Variants in GFI1B observed in about 807,000 individuals in gnomAD.
The protein encoded by GFI1B is growth factor independent 1B transcriptional repressor.
In GFI1B, 20 loss-of-function variants were observed where a neutral mutation model predicts 35.3. The ratio of observed to expected loss-of-function variants is 0.57; its 90% CI spans 0.40 to 0.82. The LOEUF (loss-of-function observed/expected upper bound fraction) is 0.82. Ranked by LOEUF, GFI1B falls within the 40% of genes least tolerant of loss-of-function variation. The pLI, the probability that GFI1B is intolerant of heterozygous loss-of-function variation, is 0.00. For synonymous variants in GFI1B, 178 were observed against 177.6 expected (o/e 1.00, Z -0.02); for missense variants, 430 against 446.3 (o/e 0.96, Z 0.33).
chr9:132,967,725 C>A (rs1848469341), intron 1 of GFI1B, among the ~76,000 whole-genome samples: 1 of 152,090 alleles, frequency 6.6e-6, no homozygotes, highest in Non-Finnish European at 1.5e-5. Flanking sequence ...GTCATGATAT[C>A]TATTATATAT....
intron 1 of GFI1B, among the ~76,000 whole-genome samples, chr9:132,961,304 G>A (rs1272343091): frequency 6.6e-6 from 1 of 151,918 alleles, no homozygotes; most frequent in African/African-American, 2.4e-5. Flanking sequence ...GCAGAGCAAA[G>A]TCAGAAGATA....
rs1157653972 is a variant in GFI1B, at chr9:132,989,617, T to TGAG, written c.649-123_649-121dup. 5 of 694,306 alleles carry TGAG rather than the reference T, an allele frequency of 7.2e-6. No homozygotes were observed. Among genetic ancestry groups the TGAG allele is most frequent in the Non-Finnish European group, 1.2e-5 (5 of 401,584 alleles). 43.0% of individuals were successfully genotyped at this position (694,306 alleles called of 1,614,324 possible). On this transcript the variant is annotated intron_variant, in intron 5 of 6. Coordinates refer to ENST00000372122, the MANE Select transcript of GFI1B (RefSeq NM_001377304.1). This position sits in a 1 kb window ranked among gnomAD's most constrained non-coding sequence, Gnocchi z 6.2. ...CCCAGTTTCACCTCAGAGGCAGAGA[T>TGAG]GAGGGGTCCCCCGGTCCTGCTCCTC... is the stretch of plus-strand genomic sequence containing the variant.
At chr9:132,965,835 G>T (rs1191041441) in intron 1 of GFI1B, among the ~76,000 whole-genome samples, 1 of 152,140 alleles carries the variant, frequency 6.6e-6, no homozygotes, top group Admixed American at 6.5e-5. Flanking sequence ...GTTGTTTTAA[G>T]CCACCCAACA....
intron 1 of GFI1B, among the ~76,000 whole-genome samples, chr9:132,954,307 G>T (rs904497950): frequency 2.0e-5 from 3 of 152,056 alleles, no homozygotes; most frequent in African/African-American, 7.2e-5. Flanking sequence ...GGGTGCAGTG[G>T]CTCACTCCTA....
chr9:132,946,604 C>G (rs1274425816), intron 1 of GFI1B: 3 of 152,246 alleles, frequency 2.0e-5, no homozygotes, highest in Non-Finnish European at 4.4e-5. Context: ...CAGGAACAGA[C>G]TCTTCCCTTT....
rs1299194210 is a variant in GFI1B, at chr9:132,991,173, T to C, written c.*123T>C. On this transcript the variant is annotated 3_prime_UTR_variant, in exon 7 of 7. Transcript: ENST00000372122. ...GACTGGACAGGAGTCTACCAGCTTG[T>C]TTTGAGACTCATGAAATTGCTGTGT... The C allele has an allele frequency of 1.2e-6, 1 of 860,832 alleles. No homozygotes were observed. Among genetic ancestry groups the C allele is most frequent in the African/African-American group, 1.7e-5 (1 of 60,074 alleles). The allele number at this position is 860,832 out of a possible 1,614,324, so 53.3% of individuals were successfully genotyped here.
At chr9:132,964,612 A>C (rs997126072) in intron 1 of GFI1B, among the ~76,000 whole-genome samples, 13 of 152,194 alleles carry the variant, frequency 8.5e-5, no homozygotes, top group African/African-American at 3.1e-4. Flanking sequence ...AAAGGCCGTC[A>C]CAATTCTACA....
Position 132,987,424 on chromosome 9 carries a change from C to T in GFI1B, c.238+5C>T. 1 of 1,614,224 alleles carries T rather than the reference C, an allele frequency of 6.2e-7. No individual in the cohort carries two copies. Among genetic ancestry groups the T allele is most frequent in the Non-Finnish European group, 8.5e-7 (1 of 1,180,030 alleles). ...CCAGGATGGCCCCGGCACCAGGTACCCCGCTGTGACCCACTGTCATTCCCC... is the reference window on the plus strand; with the variant it reads ...CCAGGATGGCCCCGGCACCAGGTACTCCGCTGTGACCCACTGTCATTCCCC... On this transcript the variant is annotated splice_donor_5th_base_variant and intron_variant, in intron 3 of 6. Transcript: ENST00000372122.
At position 132,986,696 on chromosome 9, in the gene GFI1B, G is replaced by A. The variant is rs756122349; in HGVS notation, c.18G>A (p.Leu6=). 1 of 1,611,382 alleles carries A rather than the reference G, an allele frequency of 6.2e-7. No homozygotes were observed. The highest frequency in any genetic ancestry group is 1.1e-5 in the South Asian group (1 of 90,498). Residue 6 remains leucine (L), a synonymous_variant, in exon 2 of 7, where the codon CTG becomes CTA. Transcript: ENST00000372122. The part of the protein sequence containing the change: MPRSF[L]VKSKKAHTYH... The stretch of plus-strand genomic sequence containing the variant: ...CACTGAAAATGCCACGCTCCTTCCT[G>A]GTGAAGAGCAAGAAGGCTCACACCT...
chr9:132,984,250 C>T (rs1217697813), intron 1 of GFI1B, among the ~76,000 whole-genome samples: 3 of 152,172 alleles, frequency 2.0e-5, no homozygotes, highest in Non-Finnish European at 4.4e-5. Flanking sequence ...TCCTCTCCCC[C>T]TAGGGTCTGG....
rs1380553365 is a variant in GFI1B, at chr9:132,989,953, A to T, written c.814+46A>T. The stretch of plus-strand genomic sequence containing the variant: ...TGTGCCCCCTGGGCAGAGCACCCCC[A>T]CCTTTCCCTGAGAGATGCATCAGAG... On this transcript the variant is annotated intron_variant, in intron 6 of 6. Transcript: ENST00000372122. The surrounding 1 kb of genome is among the most constrained non-coding windows in gnomAD (Gnocchi z 6.2). 2.6e-6 allele frequency: 4 copies of T among 1,538,336 alleles called. No homozygotes were observed. The highest frequency in any genetic ancestry group is 3.6e-6 in the Non-Finnish European group (4 of 1,113,428).
intron 1 of GFI1B, among the ~76,000 whole-genome samples, chr9:132,984,144 T>A (rs184960337): frequency 4.7e-4 from 72 of 152,354 alleles, no homozygotes; most frequent in Middle Eastern, 6.8e-3. Context: ...TCTTTTGATA[T>A]TTTGATAGGC....
At chr9:132,948,196 TA>T (rs56814016) in intron 1 of GFI1B, among the ~76,000 whole-genome samples, 31 of 148,372 alleles carry the variant, frequency 2.1e-4, no homozygotes, top group African/African-American at 2.7e-4. Flanking sequence ...GATGGGTGTT[TA>T]AAAAAAAAAA....
At chr9:132,956,741 A>G (rs543511345) in intron 1 of GFI1B, among the ~76,000 whole-genome samples, 1 of 152,230 alleles carries the variant, frequency 6.6e-6, no homozygotes, top group African/African-American at 2.4e-5. Flanking sequence ...AATTGGAACA[A>G]CACCACCTAT....
At chr9:132,960,379 G>A (rs1033399435) in intron 1 of GFI1B, among the ~76,000 whole-genome samples, 1 of 152,180 alleles carries the variant, frequency 6.6e-6, no homozygotes, top group Non-Finnish European at 1.5e-5. Flanking sequence ...TAAGCAGCCT[G>A]GGCTATATCT....
intron 3 of GFI1B, 81 bp downstream of exon 3, chr9:132,987,500 T>C: frequency 3.3e-6 from 5 of 1,516,722 alleles, no homozygotes; most frequent in Non-Finnish European, 4.5e-6. Context: ...GCAGGGCCCC[T>C]TGGGGCCCTG....
chr9:132,965,113 T>A (rs961730208), intron 1 of GFI1B, among the ~76,000 whole-genome samples: 2 of 152,342 alleles, frequency 1.3e-5, no homozygotes, highest in East Asian at 3.9e-4. Context: ...GTTGTTTAGA[T>A]TGACAAAGTC....
chr9:132,989,222 A>T lies in GFI1B; in HGVS notation c.648+24A>T. The T allele has an allele frequency of 6.2e-7, 1 of 1,603,998 alleles. No individual in the cohort carries two copies. Among genetic ancestry groups the T allele is most frequent in the Non-Finnish European group, 8.5e-7 (1 of 1,175,400 alleles). ...AGGTGGGCACCTGGCCCAGCGCAGG[A>T]CTCCCAGCCCCACTCCTTCTCTGTG... On this transcript the variant is annotated intron_variant, in intron 5 of 6. Transcript: ENST00000372122. The surrounding 1 kb of genome is among the most constrained non-coding windows in gnomAD (Gnocchi z 6.2).
chr9:132,970,559 CA>C (rs1458392888), intron 1 of GFI1B, among the ~76,000 whole-genome samples: 3 of 152,162 alleles, frequency 2.0e-5, no homozygotes, highest in Admixed American at 6.5e-5. Context: ...AAAGGTTGGC[CA>C]GGGGGGTGTG....
Sources: allele counts gnomAD v4.1 joint callset (sites outside exome capture counted in the v4.1 genomes callset), GRCh38; gene constraint gnomAD v4.1.1; non-coding constraint Gnocchi (gnomAD v3.1); transcripts MANE v1.5; gene names NCBI Gene and HGNC (gene_info 2026-07-23, HGNC 2026-07-21).